The following DCAF12 variants were observed in gnomAD, a reference collection of about 807,000 sequenced individuals.
DCAF12 encodes DDB1- and CUL4-associated factor 12.
Under a neutral mutation model 52.8 loss-of-function variants are expected in DCAF12, and 28 were observed. The observed-to-expected ratio is 0.53, with a 90% CI of 0.39 to 0.73. The LOEUF (loss-of-function observed/expected upper bound fraction) is 0.73, where lower values mean the gene tolerates loss of function less well. Among genes scored for constraint, DCAF12 ranks in the 30% least tolerant of loss-of-function variants. The probability of loss-of-function intolerance (pLI) is 0.00; values close to 1 mark genes in which losing one functional copy is unlikely to be tolerated. For synonymous variants in DCAF12, 196 were observed against 215.5 expected (o/e 0.91, Z 0.79); for missense variants, 425 against 552.2 (o/e 0.77, Z 2.31).
At chr9:34,092,684 CAAA>C (rs554169645) in intron 7 of DCAF12, among the ~76,000 whole-genome samples, 2 of 135,764 alleles carry the variant, frequency 1.5e-5, no homozygotes, top group Admixed American at 7.5e-5. Flanking sequence ...GACTCTGTCT[CAAA>C]AAAAAAAAAC....
chr9:34,108,987 TA>T (rs1443618434), intron 2 of DCAF12, among the ~76,000 whole-genome samples: 2 of 10,970 alleles, frequency 1.8e-4, no homozygotes, highest in Non-Finnish European at 3.9e-4. Context: ...TATGTTTTTA[TA>T]TATATATATA....
intron 5 of DCAF12, among the ~76,000 whole-genome samples, chr9:34,097,395 C>T (rs1468207217): frequency 1.3e-5 from 2 of 150,906 alleles, no homozygotes; most frequent in Non-Finnish European, 2.9e-5. Flanking sequence ...GCTGGGAATA[C>T]AGGCATATGC....
intron 7 of DCAF12, 32 bp from the exon 8 acceptor site, chr9:34,089,622 C>G (rs377100113): frequency 1.0e-5 from 16 of 1,564,730 alleles, no homozygotes; most frequent in Non-Finnish European, 1.7e-6. Context: ...GGCAGTGAGG[C>G]GGGAGAGAAT....
At chr9:34,109,991 T>A (rs1161301857) in intron 2 of DCAF12, 1 of 148,710 alleles carries the variant, frequency 6.7e-6, no homozygotes, top group Non-Finnish European at 1.5e-5. Flanking sequence ...AATATTTAAA[T>A]TATATATAAT....
chr9:34,124,226 C>A (rs1437473849), intron 2 of DCAF12, among the ~76,000 whole-genome samples: 1 of 152,170 alleles, frequency 6.6e-6, no homozygotes, highest in East Asian at 1.9e-4. Flanking sequence ...TCCATTCACA[C>A]AGGGGAGGTG....
At chr9:34,089,875 A>G (rs147028958) in intron 7 of DCAF12, 30 of 299,550 alleles carry the variant, frequency 1.0e-4, no homozygotes, top group Admixed American at 1.4e-4. Context: ...GCCGAAGACC[A>G]TAAGTGCTGA....
chr9:34,092,292 G>A (rs577937256), intron 7 of DCAF12, among the ~76,000 whole-genome samples: 2 of 152,296 alleles, frequency 1.3e-5, no homozygotes, highest in African/African-American at 4.8e-5. Context: ...GTTTCCTCAT[G>A]CCCTTTGTAA....
chr9:34,113,240 C>T (rs1829033040), intron 2 of DCAF12, among the ~76,000 whole-genome samples: 1 of 152,108 alleles, frequency 6.6e-6, no homozygotes, highest in Non-Finnish European at 1.5e-5. Flanking sequence ...TTAGTAGAGA[C>T]AGGGTTTCAC....
chr9:34,107,288 G>C (rs1489245222), intron 3 of DCAF12, 71 bp downstream of exon 3: 8 of 1,441,594 alleles, frequency 5.5e-6, no homozygotes, highest in African/African-American at 1.4e-5. Flanking sequence ...ATGAGAGGAG[G>C]GTCCATGTTA....
At chr9:34,093,795 C>T (rs2131426579) in intron 6 of DCAF12, 1 of 225,500 alleles carries the variant, frequency 4.4e-6, no homozygotes, top group South Asian at 6.8e-5. Flanking sequence ...GCCATAGTCC[C>T]ACTCTGTTCT....
chr9:34,093,725 T>G, intron 6 of DCAF12: 2 of 340,490 alleles, frequency 5.9e-6, no homozygotes, highest in Non-Finnish European at 1.1e-5. Flanking sequence ...GCCAAGGCCT[T>G]TCTTGGTAGG....
intron 4 of DCAF12, among the ~76,000 whole-genome samples, chr9:34,101,272 C>G (rs1031761691): frequency 6.6e-6 from 1 of 151,824 alleles, no homozygotes; most frequent in Non-Finnish European, 1.5e-5. Flanking sequence ...GAAATGGGGT[C>G]TCACTATGTT....
intron 3 of DCAF12, among the ~76,000 whole-genome samples, chr9:34,107,045 C>T (rs1241294842): frequency 6.6e-6 from 1 of 152,170 alleles, no homozygotes; most frequent in Admixed American, 6.6e-5. Flanking sequence ...TTTATCTGTT[C>T]TGTTCACTGC....
At chr9:34,100,072 C>G (rs12379730) in intron 4 of DCAF12, among the ~76,000 whole-genome samples, 13,763 of 151,812 alleles carry the variant, frequency 0.091, 900 homozygotes, top group Non-Finnish European at 0.13. Flanking sequence ...CTTTGGGGCC[C>G]AGGGTAGACA....
intron 1 of DCAF12, chr9:34,125,663 G>A (rs779830425): frequency 1.5e-5 from 7 of 464,396 alleles, no homozygotes; most frequent in Middle Eastern, 3.6e-4. Flanking sequence ...ACTCCCACTG[G>A]AGCACGGAAG....
At chr9:34,093,253 C>T in intron 7 of DCAF12, 33 bp downstream of exon 7, 1 of 1,613,328 alleles carries the variant, frequency 6.2e-7, no homozygotes. Flanking sequence ...TGCAGTGCAG[C>T]TGTAGGCCTG....
At chr9:34,098,588 A>G in intron 4 of DCAF12, 71 bp from the exon 5 acceptor site, 1 of 1,502,972 alleles carries the variant, frequency 6.7e-7, no homozygotes, top group South Asian at 1.3e-5. Context: ...GACGCCAAAG[A>G]GGGCTTTCAT....
At position 34,110,124 on chromosome 9, in the gene DCAF12, A is replaced by G. The variant is rs529315976; in HGVS notation, c.334-2559T>C. Among the ~76,000 whole-genome samples, 3 of 152,072 alleles carry G rather than the reference A, an allele frequency of 2.0e-5. No individual in the cohort carries two copies. The South Asian group carries it at 6.2e-4, about 32-fold the overall frequency. ...CAGAGACTGAGTGGGAGCAGGGGGAAGAAGGGGACAAACCACTCTCAAACT... is the reference window on the plus strand; with the variant it reads ...CAGAGACTGAGTGGGAGCAGGGGGAGGAAGGGGACAAACCACTCTCAAACT... On this transcript the variant is annotated intron_variant, in intron 2 of 8. Transcript: ENST00000361264.
At chr9:34,105,444 GTA>G (rs1417979804) in intron 4 of DCAF12, among the ~76,000 whole-genome samples, 1 of 151,708 alleles carries the variant, frequency 6.6e-6, no homozygotes, top group African/African-American at 2.4e-5. Context: ...AAGAAAAAAG[GTA>G]CTAAAAAAAG....
Sources: gnomAD v4.1 joint callset for allele counts (sites outside exome capture counted in the v4.1 genomes callset) on GRCh38, gnomAD v4.1.1 for gene constraint, MANE v1.5 for transcripts, NCBI Gene and HGNC (gene_info 2026-07-23, HGNC 2026-07-21) for gene names.